Variants in TSGA10 observed in about 807,000 individuals in gnomAD.
TSGA10 encodes testis-specific gene 10 protein.
TSGA10 carries 43 observed loss-of-function variants against 96.6 expected under a neutral mutation model. The observed-to-expected ratio is 0.44, with a 90% CI of 0.35 to 0.57. The LOEUF (loss-of-function observed/expected upper bound fraction) is 0.57. Among genes scored for constraint, TSGA10 ranks in the 20% least tolerant of loss-of-function variants. TSGA10 has a pLI of 0.01. For synonymous variants in TSGA10, 229 were observed against 269.9 expected (o/e 0.85, Z 1.48); for missense variants, 703 against 834.4 (o/e 0.84, Z 1.94).
rs185557319 is a variant in TSGA10 at position 99,016,659 on chromosome 2, T to C, written c.2072+1541A>G. Among the ~76,000 whole-genome samples the C allele has an allele frequency of 1.3e-3, 191 of 152,178 alleles. 1 individual carries two copies. The highest frequency in any genetic ancestry group is 3.8e-3 in the African/African-American group (159 of 41,550). On this transcript the variant is annotated intron_variant, in intron 20 of 20. Coordinates refer to ENST00000393483, the MANE Select transcript of TSGA10 (RefSeq NM_025244.4). ...ATAAATAGATGGGACTTAATTAAAC[T>C]AAAAAGCTTCTGCACAGCAAAAGAA...
At chr2:99,030,516 A>C (rs151014564) in intron 17 of TSGA10, among the ~76,000 whole-genome samples, 43 of 152,120 alleles carry the variant, frequency 2.8e-4, no homozygotes, top group Non-Finnish European at 2.4e-4. Flanking sequence ...GCATGGTGAC[A>C]CATGTCTGTA....
At chr2:99,032,770 T>C (rs1031184889) in intron 17 of TSGA10, among the ~76,000 whole-genome samples, 3 of 152,194 alleles carry the variant, frequency 2.0e-5, no homozygotes, top group Non-Finnish European at 4.4e-5. Flanking sequence ...TGGCACATGT[T>C]CCTCTTTTGG....
chr2:99,113,330 C>T (rs1381177150), intron 4 of TSGA10, among the ~76,000 whole-genome samples: 1 of 152,138 alleles, frequency 6.6e-6, no homozygotes, highest in Non-Finnish European at 1.5e-5. Flanking sequence ...ATGCTAAGCC[C>T]TGCAGATCCT....
chr2:99,141,633 C>G (rs116785938), intron 1 of TSGA10: 1 of 152,864 alleles, frequency 6.5e-6, no homozygotes, highest in African/African-American at 2.4e-5. Context: ...CGCTAGCCCC[C>G]TTTTCCACGA....
chr2:99,099,813 A>G (rs1265092439), intron 10 of TSGA10, among the ~76,000 whole-genome samples: 1 of 152,236 alleles, frequency 6.6e-6, no homozygotes, highest in African/African-American at 2.4e-5. Flanking sequence ...ACACAAATAA[A>G]AAAACTTCTG....
intron 16 of TSGA10, among the ~76,000 whole-genome samples, chr2:99,048,983 T>G (rs886802883): frequency 6.6e-6 from 1 of 152,030 alleles, no homozygotes; most frequent in African/African-American, 2.4e-5. Context: ...GAAAAAAAGC[T>G]CATCATCACT....
intron 16 of TSGA10, among the ~76,000 whole-genome samples, chr2:99,061,436 T>C (rs901591509): frequency 1.3e-5 from 2 of 152,214 alleles, no homozygotes; most frequent in Non-Finnish European, 2.9e-5. Flanking sequence ...CTTTGTTTTT[T>C]GTTTCCATCT....
intron 17 of TSGA10, among the ~76,000 whole-genome samples, chr2:99,028,176 G>T (rs2080813669): frequency 6.6e-6 from 1 of 152,064 alleles, no homozygotes; most frequent in African/African-American, 2.4e-5. Context: ...GTCCCTACTG[G>T]TATCAAATCC....
intron 18 of TSGA10, among the ~76,000 whole-genome samples, chr2:99,019,797 G>T (rs910476264): frequency 6.6e-6 from 1 of 152,140 alleles, no homozygotes; most frequent in Non-Finnish European, 1.5e-5. Context: ...GAGTGCTAGA[G>T]ATCCTAAAGA....
At chr2:99,077,814 G>A (rs750477904) in intron 12 of TSGA10, among the ~76,000 whole-genome samples, 13 of 151,732 alleles carry the variant, frequency 8.6e-5, no homozygotes, top group East Asian at 4.0e-4. Context: ...CGCCCTCCTC[G>A]GCCTCCCAAA....
intron 1 of TSGA10, among the ~76,000 whole-genome samples, chr2:99,137,471 TAAGGCCTTAC>T (rs1465057251): frequency 1.3e-5 from 2 of 152,244 alleles, no homozygotes; most frequent in African/African-American, 4.8e-5. Context: ...CCAAATCATG[TAAGGCCTTAC>T]AAAGTTTGGA....
chr2:99,014,162 T>A (rs927228296), intron 20 of TSGA10, among the ~76,000 whole-genome samples: 32 of 151,340 alleles, frequency 2.1e-4, no homozygotes, highest in Admixed American at 4.6e-4. Context: ...CTCAAAAAAA[T>A]AAATAAATAA....
At chr2:99,059,719 C>A (rs190896406) in intron 16 of TSGA10, among the ~76,000 whole-genome samples, 339 of 150,040 alleles carry the variant, frequency 2.3e-3, no homozygotes, top group Middle Eastern at 3.7e-3. Context: ...CTTCTACAAG[C>A]CCGGCCAACA....
At chr2:99,095,573 TAAGAA>T (rs1443589310) in intron 10 of TSGA10, among the ~76,000 whole-genome samples, 5 of 152,094 alleles carry the variant, frequency 3.3e-5, no homozygotes, top group Admixed American at 2.0e-4. Context: ...GAGATTTAAC[TAAGAA>T]AAGAAGACAG....
Position 99,035,234 on chromosome 2 carries a change from T to C in TSGA10, c.1610A>G (p.Glu537Gly). Residue 537 changes from glutamate (E) to glycine (G), a missense_variant, in exon 17 of 21, where the codon GAA (glutamate) becomes GGA (glycine). By Grantham distance (98) the Glu-to-Gly change is moderately conservative (BLOSUM62 -2). This residue lies in a region of TSGA10 where 585 missense variants were observed against 656.8 expected (regional missense o/e 0.89). Coordinates refer to ENST00000393483, the MANE Select transcript of TSGA10 (RefSeq NM_025244.4). ...RQLVAKDQEI[E>G]MRENELDSAH... is the part of the protein sequence containing the mutation. Reference sequence around the variant, plus strand: ...TTTTTAAAATATATTACATACCATTTCTATTTCTTGATCTTTAGCAACCAG... The same window carrying C: ...TTTTTAAAATATATTACATACCATTCCTATTTCTTGATCTTTAGCAACCAG... 1 of 1,604,026 alleles carries C rather than the reference T, an allele frequency of 6.2e-7. No homozygotes were observed. Among genetic ancestry groups the C allele is most frequent in the Non-Finnish European group, 8.5e-7 (1 of 1,174,566 alleles).
At chr2:99,084,614 A>G (rs534892159) in intron 10 of TSGA10, among the ~76,000 whole-genome samples, 9 of 152,016 alleles carry the variant, frequency 5.9e-5, no homozygotes, top group African/African-American at 1.9e-4. Flanking sequence ...AATGACCCAC[A>G]CTCAGGTATT....
At chr2:99,004,561 C>T (rs1234263460) in intron 20 of TSGA10, among the ~76,000 whole-genome samples, 1 of 151,796 alleles carries the variant, frequency 6.6e-6, no homozygotes, top group Non-Finnish European at 1.5e-5. Flanking sequence ...ATAAATTCCT[C>T]AACACATACA....
intron 6 of TSGA10, 143 bp downstream of exon 6, chr2:99,109,244 CAA>C (rs2091614830): frequency 1.2e-6 from 1 of 867,116 alleles, no homozygotes; most frequent in South Asian, 1.6e-5. Context: ...ACTGTGCCAT[CAA>C]AGAGACCTCT....
intron 10 of TSGA10, among the ~76,000 whole-genome samples, chr2:99,086,995 G>A (rs2088532930): frequency 6.6e-6 from 1 of 151,876 alleles, no homozygotes; most frequent in East Asian, 1.9e-4. Context: ...ACGAGGTCAG[G>A]AGATTGAGAC....
Sources: allele counts gnomAD v4.1 joint callset (sites outside exome capture counted in the v4.1 genomes callset), GRCh38; gene constraint gnomAD v4.1.1; regional missense constraint gnomAD v4.1.1; transcripts MANE v1.5; gene names NCBI Gene and HGNC (gene_info 2026-07-23, HGNC 2026-07-21).